NEB: variants seen among roughly 807,000 people sequenced by gnomAD.
NEB encodes nebulin, also known as nemaline myopathy type 2.
A neutral mutation model predicts 952.2 loss-of-function variants in NEB; 512 were observed. The observed-to-expected ratio is 0.54, with a 90% CI of 0.50 to 0.58. NEB has a LOEUF of 0.58. Among genes scored for constraint, NEB ranks in the 20% least tolerant of loss-of-function variants. The pLI is 0.00. For missense variants in NEB, 8,428 were observed against 9,231.1 expected, an observed-to-expected ratio of 0.91 and a Z score of 3.56; for synonymous variants, 2,900 against 3,149.8, an observed-to-expected ratio of 0.92 and a Z score of 2.66.
chr2:151,570,020 A>C (rs2096570691), intron 109 of NEB, 61 bp downstream of exon 109: 1 of 1,495,094 alleles, frequency 6.7e-7, no homozygotes, highest in African/African-American at 1.4e-5. Flanking sequence ...TAGTGTCATA[A>C]ACTCTCTGGA....
chr2:151,499,264 T>A (rs919058114), intron 169 of NEB, 34 bp downstream of exon 169: 48 of 1,108,802 alleles, frequency 4.3e-5, no homozygotes, highest in Non-Finnish European at 5.9e-5. Context: ...AACATTTTTT[T>A]AAATAATTAA....
chr2:151,609,451 T>C (rs2097851785), intron 81 of NEB, among the ~76,000 whole-genome samples: 1 of 152,172 alleles, frequency 6.6e-6, no homozygotes, highest in African/African-American at 2.4e-5. Flanking sequence ...AATTATTTGA[T>C]ATTTCAAAAA....
chr2:151,609,095 G>A (rs4664063), intron 81 of NEB, among the ~76,000 whole-genome samples: 148,603 of 151,260 alleles, frequency 0.98, 73,059 homozygotes, highest in East Asian at 1. Context: ...ATCATAAGTT[G>A]AAGTCGTGAG....
chr2:151,536,127 C>T (rs1312274455), intron 141 of NEB, among the ~76,000 whole-genome samples: 1 of 152,182 alleles, frequency 6.6e-6, no homozygotes, highest in Non-Finnish European at 1.5e-5. Flanking sequence ...AGGCTGGTCT[C>T]AAACTCCTGG....
chr2:151,548,332 C>G lies in NEB; in HGVS notation c.20133G>C (p.Arg6711=). Residue 6711 remains arginine (R), a synonymous_variant, in exon 131 of 182, where the codon CGG becomes CGC. Coordinates refer to ENST00000397345, the MANE Select transcript of NEB (RefSeq NM_001164508.2). ...GPKDVPFVHV[R]RVNNVTSERL... ...CCTCGCTGGTAACATTGTTGACTCT[C>G]CGGACGTGGACAAATGGAACATCTT... is the stretch of plus-strand genomic sequence containing the variant. The G allele has an allele frequency of 6.2e-7, 1 of 1,613,312 alleles. No individual in the cohort carries two copies. Among genetic ancestry groups the G allele is most frequent in the Non-Finnish European group, 8.5e-7 (1 of 1,179,348 alleles).
Position 151,583,823 on chromosome 2 carries a change from G to T in NEB, c.15664-57C>A, listed in dbSNP as rs553222973. On this transcript the variant is annotated intron_variant, in intron 100 of 181. Coordinates refer to ENST00000397345, the MANE Select transcript of NEB (RefSeq NM_001164508.2). ...ATATGAAAATAATGTATTAAGAGGG[G>T]TTTTCTAATTTAAATGGTTTCAGTA... 4.7e-3 allele frequency: 1,969 copies of T among 422,032 alleles called. 225 individuals are homozygous for T. Among genetic ancestry groups the T allele is most frequent in the Admixed American group, 7.7e-3 (193 of 25,018 alleles). 26.1% of individuals were successfully genotyped at this position (422,032 alleles called of 1,614,324 possible).
At chr2:151,670,870 G>C (rs550078964) in intron 38 of NEB, among the ~76,000 whole-genome samples, 153 bp downstream of exon 38, 1 of 152,128 alleles carries the variant, frequency 6.6e-6, no homozygotes, top group African/African-American at 2.4e-5. Context: ...GATCCCAGTT[G>C]CCTCAAAAGG....
At chr2:151,665,135 T>G (rs1008894733) in intron 42 of NEB, among the ~76,000 whole-genome samples, 198 bp downstream of exon 42, 11 of 152,098 alleles carry the variant, frequency 7.2e-5, no homozygotes, top group South Asian at 6.2e-4. Flanking sequence ...ATTCTTAACA[T>G]GCTGTTGAGA....
At chr2:151,729,583 TG>T in intron 4 of NEB, 31 bp downstream of exon 4, 2 of 1,609,824 alleles carry the variant, frequency 1.2e-6, no homozygotes, top group African/African-American at 2.7e-5. Context: ...TTAATGAGAA[TG>T]CAGTTTATGC....
intron 75 of NEB, among the ~76,000 whole-genome samples, chr2:151,616,845 A>AT: frequency 6.6e-6 from 1 of 152,256 alleles, no homozygotes; most frequent in Non-Finnish European, 1.5e-5. Flanking sequence ...CATTGTGCTT[A>AT]TTTTTTCTTA....
intron 113 of NEB, 124 bp from the exon 114 acceptor site, chr2:151,567,603 C>T: frequency 2.8e-6 from 2 of 707,004 alleles, no homozygotes; most frequent in South Asian, 2.9e-5. Flanking sequence ...ACACCCCCAA[C>T]TCTGAGAGCA....
chr2:151,625,240 A>C (rs2098497627), intron 71 of NEB, among the ~76,000 whole-genome samples: 1 of 152,196 alleles, frequency 6.6e-6, no homozygotes, highest in African/African-American at 2.4e-5. Context: ...GAATAGCAAG[A>C]ATTATTTTTA....
At chr2:151,564,714 C>A (rs1447529019) in intron 117 of NEB, among the ~76,000 whole-genome samples, 1 of 152,094 alleles carries the variant, frequency 6.6e-6, no homozygotes. Flanking sequence ...ATGCTATGTG[C>A]CCCCAGAGCA....
At position 151,664,515 on chromosome 2, in the gene NEB, C is replaced by T. The variant is rs2099187269; in HGVS notation, c.5437G>A (p.Asp1813Asn). The T allele has an allele frequency of 3.1e-6, 5 of 1,592,646 alleles. No homozygotes were observed. The highest frequency in any genetic ancestry group is 4.3e-6 in the Non-Finnish European group (5 of 1,171,378). Residue 1813 changes from aspartate to asparagine, a missense_variant, in exon 44 of 182, where the codon GAC becomes AAC. Coordinates refer to ENST00000397345, the MANE Select transcript of NEB (RefSeq NM_001164508.2). ...CAAGCACTTACATCACTGGCAATGT[C>T]TCTAGAGGCTCTTGCAGCCTTTATT... ...IAIKAARASR[D>N]IASDYKYKKA...
chr2:151,642,054 A>C (rs1256159042), intron 60 of NEB, among the ~76,000 whole-genome samples: 2 of 152,212 alleles, frequency 1.3e-5, no homozygotes, highest in Non-Finnish European at 2.9e-5. Context: ...ATGAGTGAGA[A>C]CATGCAGTGT....
intron 46 of NEB, among the ~76,000 whole-genome samples, chr2:151,659,405 A>G (rs1327347197): frequency 6.6e-6 from 1 of 152,106 alleles, no homozygotes; most frequent in African/African-American, 2.4e-5. Flanking sequence ...CAAACAATCC[A>G]TCCTCCCACC....
rs1161116603 is a variant in NEB at position 151,570,396 on chromosome 2, G to C, written c.17119-4C>G. On this transcript the variant is annotated splice_polypyrimidine_tract_variant and splice_region_variant and intron_variant, in intron 108 of 181. Coordinates refer to ENST00000397345, the MANE Select transcript of NEB (RefSeq NM_001164508.2). ...CATGGTCAAGCTTATATTTATACTG[G>C]AGATGCAAAAATAAAGCAGATGGGT... 3.2e-6 allele frequency: 5 copies of C among 1,570,922 alleles called. No individual in the cohort carries two copies. The South Asian group carries it at 4.8e-5, about 15-fold the overall frequency.
chr2:151,632,841 T>C (rs372553629), intron 65 of NEB, among the ~76,000 whole-genome samples: 3 of 152,084 alleles, frequency 2.0e-5, no homozygotes, highest in African/African-American at 7.2e-5. Context: ...AATCTGTCAA[T>C]ATTGTCGTTG....
chr2:151,660,985 A>G (rs1426389716), intron 46 of NEB, among the ~76,000 whole-genome samples: 2 of 152,206 alleles, frequency 1.3e-5, no homozygotes, highest in Admixed American at 6.5e-5. Flanking sequence ...TAGTAGTAAT[A>G]GTATTGGACA....
Sources: gnomAD v4.1 joint callset for allele counts (sites outside exome capture counted in the v4.1 genomes callset) on GRCh38, gnomAD v4.1.1 for gene constraint, MANE v1.5 for transcripts, NCBI Gene and HGNC (gene_info 2026-07-23, HGNC 2026-07-21) for gene names.